Variants in UROS observed in about 807,000 individuals in gnomAD.
UROS encodes the protein uroporphyrinogen-III synthase.
Under a neutral mutation model 33.0 loss-of-function variants are expected in UROS, and 18 were observed. That is an observed-to-expected ratio of 0.55 (90% CI 0.38 to 0.81). UROS has a LOEUF of 0.81. Ranked by LOEUF, UROS falls within the 30% of genes least tolerant of loss-of-function variation. The pLI is 0.00. For synonymous variants in UROS, 114 were observed against 121.1 expected, an observed-to-expected ratio of 0.94 and a Z score of 0.38; for missense variants, 293 against 314.9, an observed-to-expected ratio of 0.93 and a Z score of 0.53.
chr10:125,792,811 C>G (rs978641631), intron 9 of UROS: 1 of 152,232 alleles, frequency 6.6e-6, no homozygotes, highest in African/African-American at 2.4e-5. Context: ...TACCAACTCA[C>G]GGGCTAGGAC....
At chr10:125,816,356 G>C (rs1041928162) in intron 2 of UROS, 81 bp downstream of exon 2, 1 of 1,605,466 alleles carries the variant, frequency 6.2e-7, no homozygotes, top group African/African-American at 1.3e-5. Flanking sequence ...CTGAGGTTTT[G>C]CAAAACCCAT....
chr10:125,786,562 C>T (rs1850638621), downstream of UROS, among the ~76,000 whole-genome samples: 1 of 152,138 alleles, frequency 6.6e-6, no homozygotes, highest in African/African-American at 2.4e-5. Flanking sequence ...CCGCGCCTGG[C>T]CACATGAACC....
chr10:125,796,921 C>G (rs1331634683), intron 7 of UROS: 11 of 909,368 alleles, frequency 1.2e-5, no homozygotes, highest in Non-Finnish European at 1.4e-5. Context: ...AAAACAGCAA[C>G]CTATTGCCAT....
Position 125,788,612 on chromosome 10 carries a change from A to G in UROS, c.*256T>C. 2 of 1,399,362 alleles carry G rather than the reference A, an allele frequency of 1.4e-6. No homozygotes were observed. Among genetic ancestry groups the G allele is most frequent in the South Asian group, 3.4e-5 (2 of 58,272 alleles). 86.7% of individuals were successfully genotyped at this position (1,399,362 alleles called of 1,614,324 possible). ...ACAGGTAGTCAGTGTGGTTTATTTG[A>G]CTTCCTTCCTGCTGGGCACAGGAAG... On this transcript the variant is annotated 3_prime_UTR_variant, in exon 10 of 10. Transcript: ENST00000368797.
At chr10:125,796,419 G>T (rs1320621460) in intron 7 of UROS, among the ~76,000 whole-genome samples, 1 of 152,218 alleles carries the variant, frequency 6.6e-6, no homozygotes, top group Non-Finnish European at 1.5e-5. Context: ...GGCAGAAAAA[G>T]AACAAAGGCC....
At position 125,796,169 on chromosome 10, in the gene UROS, T is replaced by G; in HGVS notation, c.495A>C (p.Ile165=). 1.2e-6 allele frequency: 2 copies of G among 1,614,182 alleles called. No individual in the cohort carries two copies. Among genetic ancestry groups the G allele is most frequent in the African/African-American group, 2.7e-5 (2 of 75,032 alleles). Reference sequence around the variant, plus strand: ...GGTGTGCAACTGTCTGATACACAGTTATGCTTTCCATGGCAATCCCTGGGC... The same window carrying G: ...GGTGTGCAACTGTCTGATACACAGTGATGCTTTCCATGGCAATCCCTGGGC... ...LKDKGIAMES[I]TVYQTVAHPG... The change falls in exon 8 of 10, where the codon ATA becomes ATC. Residue 165 remains isoleucine, a synonymous_variant. Coordinates refer to ENST00000368797, the MANE Select transcript of UROS (RefSeq NM_000375.3).
chr10:125,795,169 G>C (rs1851252474), intron 8 of UROS, 191 bp from the exon 9 acceptor site: 1 of 631,362 alleles, frequency 1.6e-6, no homozygotes, highest in Non-Finnish European at 2.9e-6. Flanking sequence ...CTGTTGGAAA[G>C]AGCAGGCTGC....
chr10:125,812,309 T>C lies in UROS; in HGVS notation c.245-21A>G, dbSNP rs756970771. On this transcript the variant is annotated intron_variant, in intron 4 of 9. Coordinates refer to ENST00000368797, the MANE Select transcript of UROS (RefSeq NM_000375.3). ...CCAGACTGTAAAACATGAAATGATA[T>C]GTGAATTGCAAATACCAAAGTGGCC... 3.1e-6 allele frequency: 5 copies of C among 1,611,114 alleles called. No homozygotes were observed. The South Asian group carries it at 3.3e-5, about 11-fold the overall frequency.
At chr10:125,805,347 G>A (rs1852229050) in intron 6 of UROS, among the ~76,000 whole-genome samples, 1 of 152,226 alleles carries the variant, frequency 6.6e-6, no homozygotes, top group South Asian at 2.1e-4. Flanking sequence ...ATCTCCTTGA[G>A]AGCAGGTCGG....
At chr10:125,813,889 T>C (rs1853051014) in intron 4 of UROS, among the ~76,000 whole-genome samples, 1 of 152,226 alleles carries the variant, frequency 6.6e-6, no homozygotes, top group Non-Finnish European at 1.5e-5. Context: ...TGGTTAAATG[T>C]GGAGACAGAA....
chr10:125,817,458 T>C (rs1030375841), intron 1 of UROS, among the ~76,000 whole-genome samples: 8 of 151,710 alleles, frequency 5.3e-5, no homozygotes, highest in African/African-American at 1.9e-4. Flanking sequence ...GAAGGAAGTA[T>C]GGTGTCACAG....
At chr10:125,806,399 A>G (rs1344807385) in intron 6 of UROS, among the ~76,000 whole-genome samples, 2 of 152,186 alleles carry the variant, frequency 1.3e-5, no homozygotes, top group African/African-American at 4.8e-5. Context: ...ACCTTAGAGG[A>G]AACTCTCAGC....
chr10:125,789,476 C>G, intron 9 of UROS: 1 of 710,932 alleles, frequency 1.4e-6, no homozygotes, highest in Non-Finnish European at 1.8e-6. Flanking sequence ...CCCAGCTCCA[C>G]AGGACAATGA....
At chr10:125,817,539 T>A (rs1853447682) in intron 1 of UROS, among the ~76,000 whole-genome samples, 1 of 152,046 alleles carries the variant, frequency 6.6e-6, no homozygotes, top group African/African-American at 2.4e-5. Context: ...CATGGTGTGA[T>A]CTTGTTTTTT....
chr10:125,808,559 C>A (rs575129853), intron 5 of UROS, among the ~76,000 whole-genome samples: 1 of 152,344 alleles, frequency 6.6e-6, no homozygotes, highest in Non-Finnish European at 1.5e-5. Flanking sequence ...AAGAACTTAG[C>A]AGTGACGCTG....
intron 9 of UROS, chr10:125,791,432 G>A (rs930016732): frequency 2.6e-5 from 4 of 152,042 alleles, no homozygotes; most frequent in Admixed American, 1.3e-4. Context: ...GCAGTAATTC[G>A]ACCGAACGTT....
intron 1 of UROS, among the ~76,000 whole-genome samples, chr10:125,820,399 A>G (rs1005032042): frequency 3.3e-5 from 5 of 152,188 alleles, no homozygotes; most frequent in Non-Finnish European, 7.3e-5. Flanking sequence ...GAGACAGGAC[A>G]CATTCTTCCT....
chr10:125,796,939 C>A, intron 7 of UROS: 1 of 792,236 alleles, frequency 1.3e-6, no homozygotes, highest in Non-Finnish European at 1.5e-6. Context: ...CATTTCATAT[C>A]CCTGAAAACT....
chr10:125,796,313 G>A (rs1851359017), intron 7 of UROS, 125 bp from the exon 8 acceptor site: 2 of 957,280 alleles, frequency 2.1e-6, no homozygotes, highest in East Asian at 4.8e-5. Flanking sequence ...GAGCTGCTTG[G>A]AAGCTGAGAG....
Sources: gnomAD v4.1 joint callset for allele counts (sites outside exome capture counted in the v4.1 genomes callset) on GRCh38, gnomAD v4.1.1 for gene constraint, MANE v1.5 for transcripts, NCBI Gene and HGNC (gene_info 2026-07-23, HGNC 2026-07-21) for gene names.